LRBA: variants seen among roughly 807,000 people sequenced by gnomAD.
LRBA encodes LPS responsive beige-like anchor protein, also known as lipopolysaccharide-responsive and beige-like anchor protein.
LRBA carries 176 observed loss-of-function variants against 330.0 expected under a neutral mutation model. The ratio of observed to expected loss-of-function variants is 0.53; its 90% confidence interval spans 0.47 to 0.60. LRBA has a LOEUF of 0.60. Ranked by LOEUF, LRBA falls within the 20% of genes least tolerant of loss-of-function variation. LRBA has a pLI of 0.00. For synonymous variants in LRBA, 1,230 were observed against 1,193.0 expected (o/e 1.03, Z -0.64); for missense variants, 3,259 against 3,444.8 (o/e 0.95, Z 1.35).
At chr4:150,760,221 GT>G (rs1169634969) in intron 35 of LRBA, among the ~76,000 whole-genome samples, 4 of 152,064 alleles carry the variant, frequency 2.6e-5, no homozygotes, top group Non-Finnish European at 4.4e-5. Flanking sequence ...ACTTTGAAAT[GT>G]TTACTAAAAG....
At position 150,620,723 on chromosome 4, in the gene LRBA, C is replaced by T. The variant is rs145291258; in HGVS notation, c.5922-21592G>A. 4.3e-4 allele frequency among the ~76,000 whole-genome samples: 66 copies of T among 152,258 alleles called. No individual in the cohort carries two copies. The East Asian group carries it at 9.8e-3, about 23-fold the overall frequency. ...CTGAGGAATGGAAAACCAAATACCACATATTCTCACTTATAAGTGGGAGCT... is the reference window on the plus strand; with the variant it reads ...CTGAGGAATGGAAAACCAAATACCATATATTCTCACTTATAAGTGGGAGCT... On this transcript the variant is annotated intron_variant, in intron 37 of 56. Transcript: ENST00000651943.
rs34867623 is a variant in LRBA, at chr4:150,483,508, T to TAA, written c.6551+4222_6551+4223dup. 2.7e-3 allele frequency among the ~76,000 whole-genome samples: 412 copies of TAA among 151,252 alleles called. 19 individuals are homozygous for TAA. The East Asian group carries it at 0.069, about 25-fold the overall frequency. On this transcript the variant is annotated intron_variant, in intron 42 of 56. Coordinates refer to ENST00000651943, the MANE Select transcript of LRBA (RefSeq NM_001364905.1). Reference sequence around the variant, plus strand: ...TTTCTCTTTTTTCCTTTTTTTAAGTTAAAAAAATAGAGATGGGGTCTCCCT... The same window carrying TAA: ...TTTCTCTTTTTTCCTTTTTTTAAGTTAAAAAAAAATAGAGATGGGGTCTCCCT...
At chr4:150,333,246 G>C (rs971501021) in intron 48 of LRBA, among the ~76,000 whole-genome samples, 23 of 152,016 alleles carry the variant, frequency 1.5e-4, no homozygotes, top group African/African-American at 5.6e-4. Context: ...TTTTATTTAA[G>C]ATGTAGGGTA....
chr4:150,628,635 T>C (rs1416752878), intron 37 of LRBA, among the ~76,000 whole-genome samples: 1 of 152,102 alleles, frequency 6.6e-6, no homozygotes, highest in African/African-American at 2.4e-5. Flanking sequence ...AAAGGAAAAA[T>C]CATCATTTAT....
At position 150,806,327 on chromosome 4, in the gene LRBA, A is replaced by C; in HGVS notation, c.5462T>G (p.Phe1821Cys). 6.2e-7 allele frequency: 1 copy of C among 1,609,492 alleles called. No individual in the cohort carries two copies. The highest frequency in any genetic ancestry group is 8.5e-7 in the Non-Finnish European group (1 of 1,177,824). Reference protein sequence around the residue: ...LREIFVDFAPFLSRTLLGSHG... With the variant: ...LREIFVDFAPCLSRTLLGSHG... Reference sequence around the variant, plus strand: ...GCTACCCAAAAGTGTCCGAGAAAGAAAAGGTGCAAAATCCACAAAAATCTC... The same window carrying C: ...GCTACCCAAAAGTGTCCGAGAAAGACAAGGTGCAAAATCCACAAAAATCTC... The change falls in exon 33 of 57, where the codon TTT (phenylalanine) becomes TGT (cysteine). Residue 1821 changes from phenylalanine (F) to cysteine (C), a missense_variant. Coordinates refer to ENST00000651943, the MANE Select transcript of LRBA (RefSeq NM_001364905.1).
intron 44 of LRBA, among the ~76,000 whole-genome samples, chr4:150,459,664 G>A (rs945204651): frequency 1.3e-5 from 2 of 151,848 alleles, no homozygotes; most frequent in African/African-American, 4.8e-5. Context: ...CTACAAATAC[G>A]TTGGGAACTC....
At chr4:150,654,318 C>T (rs1291802376) in intron 37 of LRBA, among the ~76,000 whole-genome samples, 9 of 152,046 alleles carry the variant, frequency 5.9e-5, no homozygotes, top group Non-Finnish European at 1.0e-4. Context: ...TCCCAAGTAG[C>T]TGGGATTACA....
intron 42 of LRBA, among the ~76,000 whole-genome samples, chr4:150,476,054 A>T (rs1358988236): frequency 2.0e-5 from 3 of 152,192 alleles, no homozygotes; most frequent in Non-Finnish European, 2.9e-5. Flanking sequence ...GCAAAGAATC[A>T]ACTTTTGTTT....
chr4:150,972,181 T>C (rs1481108101), intron 2 of LRBA, among the ~76,000 whole-genome samples: 1 of 152,158 alleles, frequency 6.6e-6, no homozygotes, highest in Non-Finnish European at 1.5e-5. Context: ...GGATTAATCA[T>C]AAAACTTTCT....
chr4:150,963,251 T>C (rs1272904269), intron 2 of LRBA, among the ~76,000 whole-genome samples: 1 of 148,922 alleles, frequency 6.7e-6, no homozygotes, highest in African/African-American at 2.6e-5. Context: ...GGCTGGACTG[T>C]ACTGCTGCCA....
chr4:151,008,254 T>C (rs531059389), intron 2 of LRBA, among the ~76,000 whole-genome samples: 1 of 152,058 alleles, frequency 6.6e-6, no homozygotes, highest in South Asian at 2.1e-4. Flanking sequence ...CTAATTTTTG[T>C]ATTTTTAGTA....
At chr4:150,631,183 TA>T (rs139635302) in intron 37 of LRBA, among the ~76,000 whole-genome samples, 233 of 144,546 alleles carry the variant, frequency 1.6e-3, no homozygotes, top group African/African-American at 2.4e-3. Flanking sequence ...TCTTGATCTT[TA>T]AAAAAAAAAA....
At chr4:150,646,716 T>C (rs1051769193) in intron 37 of LRBA, among the ~76,000 whole-genome samples, 6 of 152,080 alleles carry the variant, frequency 3.9e-5, no homozygotes, top group African/African-American at 1.4e-4. Context: ...CTGTGTCATA[T>C]GTCAATAGAT....
intron 56 of LRBA, among the ~76,000 whole-genome samples, chr4:150,266,740 A>AGAT (rs753040159): frequency 3.3e-5 from 5 of 152,232 alleles, no homozygotes; most frequent in Non-Finnish European, 7.3e-5. Flanking sequence ...GTCATTAAAG[A>AGAT]GATTAAATTC....
intron 47 of LRBA, among the ~76,000 whole-genome samples, chr4:150,410,942 G>A (rs1436948891): frequency 6.6e-6 from 1 of 152,094 alleles, no homozygotes; most frequent in African/African-American, 2.4e-5. Context: ...TATCATAAGA[G>A]ACAGATGATG....
chr4:150,502,688 T>A (rs537029727), intron 40 of LRBA, among the ~76,000 whole-genome samples: 130 of 152,228 alleles, frequency 8.5e-4, no homozygotes, highest in African/African-American at 2.8e-3. Context: ...CTCACTGGGG[T>A]GTGCCAGACA....
intron 40 of LRBA, among the ~76,000 whole-genome samples, chr4:150,504,252 A>T (rs1581514378): frequency 6.6e-6 from 1 of 152,264 alleles, no homozygotes; most frequent in African/African-American, 2.4e-5. Context: ...CGCCACAAAG[A>T]TACTCCTCGA....
At chr4:150,976,175 G>T (rs1398913023) in intron 2 of LRBA, among the ~76,000 whole-genome samples, 4 of 88,690 alleles carry the variant, frequency 4.5e-5, no homozygotes, top group African/African-American at 1.6e-4. Flanking sequence ...ACTCCGTCTT[G>T]AAAAAAAAAA....
chr4:150,917,934 A>G (rs1732821393), intron 5 of LRBA, among the ~76,000 whole-genome samples: 1 of 152,142 alleles, frequency 6.6e-6, no homozygotes, highest in Non-Finnish European at 1.5e-5. Context: ...TGTCTCAAAA[A>G]AAAAAATGAA....
Sources: allele counts gnomAD v4.1 joint callset (sites outside exome capture counted in the v4.1 genomes callset), GRCh38; gene constraint gnomAD v4.1.1; transcripts MANE v1.5; gene names NCBI Gene and HGNC (gene_info 2026-07-23, HGNC 2026-07-21).